FGF12: variants seen among roughly 807,000 people sequenced by gnomAD.
FGF12 encodes the protein fibroblast growth factor 12, also known as fibroblast growth factor 12B.
Under a neutral mutation model 23.6 loss-of-function variants are expected in FGF12, and 14 were observed. The observed-to-expected ratio is 0.59, with a 90% confidence interval of 0.39 to 0.93. FGF12 has a LOEUF of 0.93. FGF12 is among the 40% of genes least tolerant of loss of function. FGF12 has a pLI of 0.00. For missense variants in FGF12, 175 were observed against 217.8 expected (o/e 0.80, Z 1.24); for synonymous variants, 62 against 77.3 (o/e 0.80, Z 1.04).
intron 4 of FGF12, among the ~76,000 whole-genome samples, chr3:192,215,236 C>G (rs1341214859): frequency 6.6e-6 from 1 of 152,156 alleles, no homozygotes; most frequent in Non-Finnish European, 1.5e-5. Flanking sequence ...TTTTCATTCT[C>G]AAATAACCCC....
chr3:192,265,426 T>C (rs1359053834), intron 4 of FGF12: 1 of 152,148 alleles, frequency 6.6e-6, no homozygotes, highest in Non-Finnish European at 1.5e-5. Context: ...GGTAGGTGGC[T>C]CTTTCTCCCT....
intron 4 of FGF12, among the ~76,000 whole-genome samples, chr3:192,296,425 T>C (rs1157310764): frequency 1.3e-5 from 2 of 152,050 alleles, no homozygotes; most frequent in African/African-American, 4.8e-5. Flanking sequence ...GGTTTTGCCA[T>C]GTTACCCAGG....
At chr3:192,507,006 C>A (rs1724327055) in intron 2 of FGF12, among the ~76,000 whole-genome samples, 1 of 151,678 alleles carries the variant, frequency 6.6e-6, no homozygotes, top group African/African-American at 2.4e-5. Context: ...ATTCTCCTGC[C>A]TCAGCCTCCC....
rs1437933050 is a variant in FGF12 at position 192,149,891 on chromosome 3, C to G, written c.428-5764G>C. 2.9e-5 allele frequency among the ~76,000 whole-genome samples: 3 copies of G among 102,506 alleles called. 1 individual carries two copies. Among genetic ancestry groups the G allele is most frequent in the African/African-American group, 1.0e-4 (3 of 28,588 alleles). The allele number at this position is 102,506 out of a possible 152,430, so 67.2% of individuals were successfully genotyped here. On this transcript the variant is annotated intron_variant, in intron 5 of 5. Transcript: ENST00000445105. ...TCTAGATCCCTGAGGAATCGCCACA[C>G]TGACTTCCACAATGGTTGAACTAGT...
intron 2 of FGF12, among the ~76,000 whole-genome samples, chr3:192,675,319 C>CT (rs1310921404): frequency 8.0e-5 from 12 of 150,292 alleles, no homozygotes; most frequent in Non-Finnish European, 1.6e-4. Flanking sequence ...AAAAGTCCTA[C>CT]TTTTTTTTTC....
intron 2 of FGF12, among the ~76,000 whole-genome samples, chr3:192,446,243 G>A (rs1434377503): frequency 6.6e-6 from 1 of 152,152 alleles, no homozygotes; most frequent in East Asian, 1.9e-4. Context: ...CAAATACAGG[G>A]AAATTCTTTC....
intron 4 of FGF12, among the ~76,000 whole-genome samples, chr3:192,224,976 G>T (rs908587730): frequency 1.3e-5 from 2 of 151,814 alleles, no homozygotes; most frequent in African/African-American, 4.8e-5. Context: ...TGTGAGAGAG[G>T]CCCCAGGACT....
chr3:192,360,477 C>T lies in FGF12; in HGVS notation c.75G>A (p.Met25Ile), dbSNP rs1176645738. Residue 25 changes from methionine to isoleucine, a missense_variant, in exon 3 of 6, where the codon ATG (methionine) becomes ATA (isoleucine). Physicochemically the swap from Met to Ile is conservative, Grantham distance 10 (BLOSUM62 1). Coordinates refer to ENST00000445105, the MANE Select transcript of FGF12 (RefSeq NM_004113.6). This position sits in a 1 kb window ranked among gnomAD's most constrained non-coding sequence, Gnocchi z 4.3. ...TCCCATCAATGGTACCATCTGGGTG[C>T]ATCTGCAGGAAGTATCCCTGCTGGC... ...LFSQQGYFLQ[M>I]HPDGTIDGTK... 6.2e-7 allele frequency: 1 copy of T among 1,613,936 alleles called. No individual in the cohort carries two copies. Among genetic ancestry groups the T allele is most frequent in the Non-Finnish European group, 8.5e-7 (1 of 1,179,854 alleles).
intron 4 of FGF12, among the ~76,000 whole-genome samples, chr3:192,287,557 T>C (rs970588459): frequency 2.6e-5 from 4 of 151,940 alleles, no homozygotes; most frequent in Middle Eastern, 3.2e-3. Context: ...AGAGATTACA[T>C]TTAAAAAGCC....
intron 5 of FGF12, among the ~76,000 whole-genome samples, chr3:192,146,450 T>C (rs868668679): frequency 6.6e-6 from 1 of 152,032 alleles, no homozygotes; most frequent in Non-Finnish European, 1.5e-5. Flanking sequence ...TTTGTATTTT[T>C]AGCAGAGATG....
chr3:192,559,773 ACT>A (rs898795286), intron 2 of FGF12, among the ~76,000 whole-genome samples: 1 of 151,880 alleles, frequency 6.6e-6, no homozygotes. Context: ...ATATAGAGAC[ACT>A]CTCTGTACTT....
intron 3 of FGF12, among the ~76,000 whole-genome samples, chr3:192,359,745 T>C (rs1023867982): frequency 6.6e-6 from 1 of 152,054 alleles, no homozygotes; most frequent in African/African-American, 2.4e-5. Context: ...TTAAAAACTA[T>C]ATCCAGAGAA....
intron 2 of FGF12, among the ~76,000 whole-genome samples, chr3:192,654,882 T>C (rs1426897258): frequency 2.0e-5 from 3 of 152,138 alleles, no homozygotes; most frequent in African/African-American, 7.2e-5. Context: ...CAGCCACTTC[T>C]GACAGATCAG....
At chr3:192,204,264 C>T (rs1375338399) in intron 4 of FGF12, among the ~76,000 whole-genome samples, 2 of 152,108 alleles carry the variant, frequency 1.3e-5, no homozygotes, top group African/African-American at 2.4e-5. Context: ...ATAAGAGTCT[C>T]AACATGCAAA....
At chr3:192,448,002 T>C (rs73066271) in intron 2 of FGF12, among the ~76,000 whole-genome samples, 7,233 of 152,276 alleles carry the variant, frequency 0.047, 596 homozygotes, top group African/African-American at 0.16. Flanking sequence ...TTTCGCCCAA[T>C]GTTATGTCTT....
At chr3:192,531,594 G>A (rs765658099) in intron 2 of FGF12, among the ~76,000 whole-genome samples, 3 of 151,866 alleles carry the variant, frequency 2.0e-5, no homozygotes, top group Non-Finnish European at 4.4e-5. Context: ...CCCACTGGTC[G>A]TCCCTATTTT....
intron 2 of FGF12, among the ~76,000 whole-genome samples, chr3:192,387,345 C>A (rs938953512): frequency 9.9e-5 from 15 of 151,920 alleles, no homozygotes; most frequent in Admixed American, 8.5e-4. Flanking sequence ...TTTAGATAAA[C>A]CAAAAGTATA....
chr3:192,543,141 GC>G (rs34974102), intron 2 of FGF12, among the ~76,000 whole-genome samples: 60,786 of 151,918 alleles, frequency 0.4, 12,377 homozygotes, highest in East Asian at 0.46. Flanking sequence ...TTTTTCAGAA[GC>G]CAGTCCCTTA....
intron 2 of FGF12, among the ~76,000 whole-genome samples, chr3:192,390,629 A>G (rs147395853): frequency 0.013 from 2,035 of 151,196 alleles, 23 homozygotes; most frequent in Non-Finnish European, 0.018. Context: ...CTATGTGATG[A>G]CCATGACCAT....
Sources: gnomAD v4.1 joint callset for allele counts (sites outside exome capture counted in the v4.1 genomes callset) on GRCh38, gnomAD v4.1.1 for gene constraint, Gnocchi (gnomAD v3.1) non-coding constraint, MANE v1.5 for transcripts, NCBI Gene and HGNC (gene_info 2026-07-23, HGNC 2026-07-21) for gene names.